The following PPARGC1A variants were observed in gnomAD, a reference collection of about 807,000 sequenced individuals.
The protein encoded by PPARGC1A is PPARG coactivator 1 alpha, also known as peroxisome proliferator-activated receptor gamma coactivator 1-alpha.
PPARGC1A carries 25 observed loss-of-function variants against 88.7 expected under a neutral mutation model. That is an observed-to-expected ratio of 0.28 (90% confidence interval 0.21 to 0.39). The LOEUF (loss-of-function observed/expected upper bound fraction) is 0.39, where lower values mean the gene tolerates loss of function less well. PPARGC1A is among the 10% of genes least tolerant of loss of function. PPARGC1A has a pLI of 1.00. For synonymous variants in PPARGC1A, 363 were observed against 355.6 expected, an observed-to-expected ratio of 1.02 and a Z score of -0.24; for missense variants, 880 against 968.7, an observed-to-expected ratio of 0.91 and a Z score of 1.22.
At chr4:23,889,474 A>C (rs1259097875) in intron 1 of PPARGC1A, 2 of 602,376 alleles carry the variant, frequency 3.3e-6, no homozygotes, top group African/African-American at 4.0e-5. Context: ...CTAGAGTCAA[A>C]ACGGACTATA....
chr4:24,226,475 C>G, the PPARGC1A span, among the ~76,000 whole-genome samples: 1 of 152,186 alleles, frequency 6.6e-6, no homozygotes, highest in Non-Finnish European at 1.5e-5. Flanking sequence ...GTGGGGAATT[C>G]CCCAGTCAGC....
chr4:23,998,620 GACA>G, the PPARGC1A span, among the ~76,000 whole-genome samples: 6 of 152,284 alleles, frequency 3.9e-5, no homozygotes, highest in Middle Eastern at 6.8e-3. Flanking sequence ...CTAATTTACT[GACA>G]ACAATTTTGG....
chr4:24,384,562 A>G, the PPARGC1A span, among the ~76,000 whole-genome samples: 22 of 150,400 alleles, frequency 1.5e-4, no homozygotes, highest in Middle Eastern at 6.8e-3. Context: ...GGAAAGCAAA[A>G]AAAAAAAAAA....
the PPARGC1A span, among the ~76,000 whole-genome samples, chr4:23,948,300 T>G: frequency 6.6e-6 from 1 of 152,150 alleles, no homozygotes; most frequent in Non-Finnish European, 1.5e-5. Flanking sequence ...TATATTAATT[T>G]TCTTCTATGT....
At chr4:23,922,400 C>G in the PPARGC1A span, among the ~76,000 whole-genome samples, 1 of 152,204 alleles carries the variant, frequency 6.6e-6, no homozygotes, top group Non-Finnish European at 1.5e-5. Context: ...ACCATCGAAG[C>G]GTTTCTCCTC....
the PPARGC1A span, among the ~76,000 whole-genome samples, chr4:24,420,625 C>G: frequency 1.3e-5 from 2 of 152,052 alleles, no homozygotes; most frequent in African/African-American, 4.8e-5. Context: ...CTCACTGTCC[C>G]CTGCTGAGAT....
chr4:24,222,517 T>C, the PPARGC1A span, among the ~76,000 whole-genome samples: 1 of 152,228 alleles, frequency 6.6e-6, no homozygotes, highest in East Asian at 1.9e-4. Flanking sequence ...CATACAAATG[T>C]CTGTTGCCAT....
chr4:23,899,534 T>G (rs192715071), upstream of PPARGC1A, among the ~76,000 whole-genome samples: 58 of 152,308 alleles, frequency 3.8e-4, no homozygotes, highest in Admixed American at 3.7e-3. Context: ...ACTTAGAGTA[T>G]TATGGTTGTT....
chr4:24,009,665 G>A, the PPARGC1A span, among the ~76,000 whole-genome samples: 6 of 152,170 alleles, frequency 3.9e-5, no homozygotes, highest in Non-Finnish European at 8.8e-5. Context: ...ACAGTTTTGG[G>A]TGCAGCTTGA....
At chr4:24,341,217 T>TTATATA in the PPARGC1A span, among the ~76,000 whole-genome samples, 3 of 147,866 alleles carry the variant, frequency 2.0e-5, no homozygotes, top group African/African-American at 7.4e-5. Context: ...ATATATATAA[T>TTATATA]TATATATATA....
At chr4:24,364,849 C>A in the PPARGC1A span, among the ~76,000 whole-genome samples, 1 of 152,240 alleles carries the variant, frequency 6.6e-6, no homozygotes, top group East Asian at 1.9e-4. Context: ...AGTAAGCTCT[C>A]AATAAATGAT....
the PPARGC1A span, among the ~76,000 whole-genome samples, chr4:24,298,137 T>G: frequency 6.6e-6 from 1 of 152,102 alleles, no homozygotes; most frequent in South Asian, 2.1e-4. Context: ...GGCCTCATCT[T>G]TATCACACAG....
chr4:24,208,675 G>GAAAA, the PPARGC1A span, among the ~76,000 whole-genome samples: 4,985 of 125,998 alleles, frequency 0.04, 146 homozygotes, highest in Middle Eastern at 0.089. Flanking sequence ...ACCAAACTCA[G>GAAAA]AAAAAAAATA....
the PPARGC1A span, among the ~76,000 whole-genome samples, chr4:24,292,537 C>A: frequency 7.7e-6 from 1 of 129,990 alleles, no homozygotes; most frequent in African/African-American, 3.1e-5. Flanking sequence ...ACCCCCCCAC[C>A]CCACCCCTTC....
the PPARGC1A span, among the ~76,000 whole-genome samples, chr4:24,002,869 A>G: frequency 2.0e-5 from 3 of 152,200 alleles, no homozygotes; most frequent in Non-Finnish European, 4.4e-5. Context: ...TACATGCTAA[A>G]CACAGTTCTG....
At position 23,824,583 on chromosome 4, in the gene PPARGC1A, A is replaced by C. The variant is rs1397609640; in HGVS notation, c.758-75T>G. On this transcript the variant is annotated intron_variant, in intron 5 of 12. Coordinates refer to ENST00000264867, the MANE Select transcript of PPARGC1A (RefSeq NM_013261.5). The stretch of plus-strand genomic sequence containing the variant: ...ATTTCTTTTCTCTCCACAACAGTCA[A>C]GTTGGAAAAACAACCAGAAAACTCA... 3 of 1,289,474 alleles carry C rather than the reference A, an allele frequency of 2.3e-6. No homozygotes were observed. The Admixed American group carries it at 6.7e-5, about 29-fold the overall frequency. The allele number at this position is 1,289,474 out of a possible 1,614,324, so 79.9% of individuals were successfully genotyped here. A position where few individuals can be genotyped will look rare whatever the true frequency, so the allele number is the denominator to read the frequency against.
At chr4:24,048,338 C>T in the PPARGC1A span, among the ~76,000 whole-genome samples, 1 of 152,182 alleles carries the variant, frequency 6.6e-6, no homozygotes, top group African/African-American at 2.4e-5. Context: ...CCTCTCCTGA[C>T]AACAGTTGAC....
At chr4:24,301,875 AGCACTGTGTTATAGGTGCC>A in the PPARGC1A span, among the ~76,000 whole-genome samples, 22 of 152,124 alleles carry the variant, frequency 1.4e-4, no homozygotes, top group Non-Finnish European at 3.2e-4. Context: ...CACAGTACTG[AGCACTGTGTTATAGGTGCC>A]CCATAAATGT....
chr4:24,342,501 T>C, the PPARGC1A span, among the ~76,000 whole-genome samples: 5 of 147,016 alleles, frequency 3.4e-5, no homozygotes, highest in South Asian at 4.4e-4. Context: ...AACTAAAATA[T>C]AAAAATAAGA....
Sources: gnomAD v4.1 joint callset for allele counts (sites outside exome capture counted in the v4.1 genomes callset) on GRCh38, gnomAD v4.1.1 for gene constraint, MANE v1.5 for transcripts, NCBI Gene and HGNC (gene_info 2026-07-23, HGNC 2026-07-21) for gene names.